The following CCDC88C variants were observed in gnomAD, a reference collection of about 807,000 sequenced individuals.
CCDC88C encodes the protein protein Daple.
Under a neutral mutation model 198.8 loss-of-function variants are expected in CCDC88C, and 131 were observed. The ratio of observed to expected loss-of-function variants is 0.66; its 90% CI spans 0.57 to 0.76. The LOEUF is 0.76. Among genes scored for constraint, CCDC88C ranks in the 30% least tolerant of loss-of-function variants. The probability of loss-of-function intolerance (pLI) is 0.00; values close to 1 mark genes in which losing one functional copy is unlikely to be tolerated. For synonymous variants in CCDC88C, 1,166 were observed against 1,114.7 expected (o/e 1.05, Z -0.92); for missense variants, 2,553 against 2,631.6 (o/e 0.97, Z 0.65).
chr14:91,308,948 C>T (rs758000561), intron 16 of CCDC88C, among the ~76,000 whole-genome samples: 6 of 152,250 alleles, frequency 3.9e-5, no homozygotes, highest in African/African-American at 7.2e-5. Context: ...AAGATCAGGC[C>T]GAGCACAGTG....
Position 91,313,557 on chromosome 14 carries a change from C to T in CCDC88C, c.2259G>A (p.Lys753=), listed in dbSNP as rs572258532. 6.2e-7 allele frequency: 1 copy of T among 1,611,382 alleles called. No homozygotes were observed. The highest frequency in any genetic ancestry group is 1.1e-5 in the South Asian group (1 of 91,090). Reference sequence around the variant, plus strand: ...GGTAGCTGAGCTCCAGGCGCTCTGACTTCTTGCCCAGCGCCTTGAGCAGAT... The same window carrying T: ...GGTAGCTGAGCTCCAGGCGCTCTGATTTCTTGCCCAGCGCCTTGAGCAGAT... The part of the protein sequence containing the change: ...NVDLLKALGK[K]SERLELSYQS... The change falls in exon 15 of 30, where the codon AAG becomes AAA. Residue 753 remains lysine (K), a synonymous_variant. Coordinates refer to ENST00000389857, the MANE Select transcript of CCDC88C (RefSeq NM_001080414.4). The surrounding 1 kb of genome is among the most constrained non-coding windows in gnomAD (Gnocchi z 5.2).
intron 3 of CCDC88C, among the ~76,000 whole-genome samples, chr14:91,402,678 T>C (rs940515100): frequency 1.3e-5 from 2 of 152,246 alleles, no homozygotes; most frequent in Admixed American, 6.5e-5. Flanking sequence ...TGGGAACGTC[T>C]ATCTCAAGAG....
At chr14:91,281,394 G>C in intron 27 of CCDC88C, 63 bp downstream of exon 27, 1 of 1,611,950 alleles carries the variant, frequency 6.2e-7, no homozygotes, top group South Asian at 1.1e-5. Flanking sequence ...TAAAGGAAAG[G>C]TACCGTGGAT....
At chr14:91,275,298 C>G (rs1889906753) in intron 29 of CCDC88C, among the ~76,000 whole-genome samples, 1 of 152,058 alleles carries the variant, frequency 6.6e-6, no homozygotes, top group African/African-American at 2.4e-5. Context: ...CTGTGAAGAC[C>G]AGTCTGAGCT....
intron 10 of CCDC88C, among the ~76,000 whole-genome samples, chr14:91,330,002 T>C (rs1411979286): frequency 1.3e-5 from 2 of 152,236 alleles, no homozygotes; most frequent in Non-Finnish European, 2.9e-5. Context: ...GTGTTAGCTG[T>C]GTTCCAACAC....
rs749029323 is a variant in CCDC88C, at chr14:91,305,783, G to A, written c.3339C>T (p.Thr1113=). Residue 1113 remains threonine, a synonymous_variant, in exon 19 of 30, where the codon ACC becomes ACT. Transcript: ENST00000389857. ...CGCTCACCTGCAGCTTGGCGGTCTG[G>A]GTCTGCAGTGTGGTGTTGTGCTCCT... ...FLQEHNTTLQ[T]QTAKLQVENS... is the part of the protein sequence containing the mutation. The A allele has an allele frequency of 1.2e-6, 2 of 1,608,616 alleles. No individual in the cohort carries two copies. The highest frequency in any genetic ancestry group is 4.5e-5 in the East Asian group (2 of 44,706).
intron 26 of CCDC88C, among the ~76,000 whole-genome samples, chr14:91,282,682 G>T (rs768765105): frequency 5.3e-5 from 8 of 152,192 alleles, no homozygotes; most frequent in Non-Finnish European, 8.8e-5. Context: ...GAGACAGGGA[G>T]TTCCTAAATC....
intron 20 of CCDC88C, among the ~76,000 whole-genome samples, chr14:91,300,317 C>T (rs1316568478): frequency 6.6e-6 from 1 of 152,210 alleles, no homozygotes. Context: ...TCTCCATAGT[C>T]CCTCCATGCC....
intron 3 of CCDC88C, among the ~76,000 whole-genome samples, chr14:91,386,589 G>T (rs1330030998): frequency 3.3e-5 from 5 of 152,232 alleles, no homozygotes; most frequent in Non-Finnish European, 5.9e-5. Flanking sequence ...ACCCCAATGT[G>T]CGACCCTGCT....
At chr14:91,276,954 T>C (rs1171590175) in intron 29 of CCDC88C, among the ~76,000 whole-genome samples, 1 of 152,192 alleles carries the variant, frequency 6.6e-6, no homozygotes, top group Non-Finnish European at 1.5e-5. Context: ...GTGAGAATAG[T>C]TGCTACATTT....
chr14:91,310,703 C>A (rs1464997170), intron 15 of CCDC88C, among the ~76,000 whole-genome samples: 2 of 152,196 alleles, frequency 1.3e-5, no homozygotes, highest in Non-Finnish European at 2.9e-5. Context: ...AGCCACTGCA[C>A]CCGGCCTTGG....
rs1469403292 is a variant in CCDC88C, at chr14:91,308,485, T to G, written c.2872A>C (p.Lys958Gln). The G allele has an allele frequency of 6.2e-7, 1 of 1,613,858 alleles. No individual in the cohort carries two copies. The highest frequency in any genetic ancestry group is 8.5e-7 in the Non-Finnish European group (1 of 1,179,848). ...EDDSGSDTKYKILEGRNESAL... is the reference protein window; with the variant it reads ...EDDSGSDTKYQILEGRNESAL... ...GATTCATTTCTGCCCTCCAAAATCT[T>G]GTATTTTCTGGAAAACACAAAGATA... is the stretch of plus-strand genomic sequence containing the variant. Residue 958 changes from lysine to glutamine, a missense_variant, in exon 17 of 30, where the codon AAG becomes CAG. Physicochemically the swap from Lys to Gln is moderately conservative, Grantham distance 53. Transcript: ENST00000389857.
chr14:91,416,940 G>C (rs1887093092), intron 1 of CCDC88C, 102 bp from the exon 2 acceptor site: 2 of 797,146 alleles, frequency 2.5e-6, no homozygotes, highest in Admixed American at 4.2e-5. Flanking sequence ...AGTGTGAGCA[G>C]AAGGGGGTCA....
intron 3 of CCDC88C, among the ~76,000 whole-genome samples, chr14:91,367,377 G>A (rs1303762589): frequency 1.3e-5 from 2 of 152,174 alleles, no homozygotes; most frequent in African/African-American, 4.8e-5. Context: ...AAAGAATGCC[G>A]CTGTTGACCC....
chr14:91,301,792 G>C (rs112053181), intron 20 of CCDC88C, among the ~76,000 whole-genome samples: 1 of 152,218 alleles, frequency 6.6e-6, no homozygotes, highest in East Asian at 1.9e-4. Flanking sequence ...AATAAGGCAC[G>C]CAAGTGCCTG....
chr14:91,359,128 C>T (rs1025993012), intron 4 of CCDC88C, among the ~76,000 whole-genome samples: 4 of 151,272 alleles, frequency 2.6e-5, no homozygotes, highest in Admixed American at 1.3e-4. Context: ...CTGGCCTCTG[C>T]ACACACATCT....
chr14:91,364,906 C>G (rs748443672), intron 3 of CCDC88C, among the ~76,000 whole-genome samples: 1 of 152,166 alleles, frequency 6.6e-6, no homozygotes, highest in Non-Finnish European at 1.5e-5. Flanking sequence ...GTTGAGAAAT[C>G]GGGACCATCC....
intron 4 of CCDC88C, among the ~76,000 whole-genome samples, chr14:91,358,944 C>G (rs923419828): frequency 1.3e-5 from 2 of 152,150 alleles, no homozygotes; most frequent in Non-Finnish European, 2.9e-5. Flanking sequence ...CGCAGGACCC[C>G]AGTGACAGAT....
intron 10 of CCDC88C, among the ~76,000 whole-genome samples, chr14:91,331,749 C>A (rs993903288): frequency 1.3e-5 from 2 of 152,194 alleles, no homozygotes; most frequent in African/African-American, 4.8e-5. Context: ...AAGCCCATTG[C>A]AAACATGCTC....
Sources: allele counts gnomAD v4.1 joint callset (sites outside exome capture counted in the v4.1 genomes callset), GRCh38; gene constraint gnomAD v4.1.1; non-coding constraint Gnocchi (gnomAD v3.1); transcripts MANE v1.5; gene names NCBI Gene and HGNC (gene_info 2026-07-23, HGNC 2026-07-21).